SSBP2: variants seen among roughly 807,000 people sequenced by gnomAD.
SSBP2 encodes single-stranded DNA-binding protein 2.
SSBP2 carries 17 observed loss-of-function variants against 61.8 expected under a neutral mutation model. The observed-to-expected ratio is 0.28, with a 90% CI of 0.19 to 0.41. SSBP2 has a LOEUF of 0.41. Ranked by LOEUF, SSBP2 falls within the 10% of genes least tolerant of loss-of-function variation. SSBP2 has a pLI of 1.00. For missense variants in SSBP2, 310 were observed against 458.7 expected, an observed-to-expected ratio of 0.68 and a Z score of 2.96; for synonymous variants, 139 against 141.3, an observed-to-expected ratio of 0.98 and a Z score of 0.12.
Position 81,489,178 on chromosome 5 carries a change from G to A in SSBP2, c.432+72C>T, listed in dbSNP as rs1287605352. 6 of 1,275,860 alleles carry A rather than the reference G, an allele frequency of 4.7e-6. No homozygotes were observed. In the Admixed American group the frequency reaches 1.0e-4, roughly 22 times the overall value. The allele number at this position is 1,275,860 out of a possible 1,614,324, so 79.0% of individuals were successfully genotyped here. On this transcript the variant is annotated intron_variant, in intron 6 of 16. Transcript: ENST00000320672. ...AAAGGAGAATTTCATATTTTTACAG[G>A]ATGATAAATATATGTGACATTTTCA...
intron 6 of SSBP2, among the ~76,000 whole-genome samples, chr5:81,487,291 C>A (rs1415611254): frequency 1.3e-5 from 2 of 152,150 alleles, no homozygotes; most frequent in Non-Finnish European, 2.9e-5. Context: ...AACTAAACTA[C>A]AAACTCTTTG....
At chr5:81,575,253 G>T (rs56844107) in intron 4 of SSBP2, among the ~76,000 whole-genome samples, 7,626 of 152,216 alleles carry the variant, frequency 0.05, 625 homozygotes, top group African/African-American at 0.17. Context: ...GGGTGACAGA[G>T]CGAGACTTCG....
intron 4 of SSBP2, among the ~76,000 whole-genome samples, chr5:81,593,518 C>G (rs1216356465): frequency 6.6e-6 from 1 of 152,098 alleles, no homozygotes; most frequent in African/African-American, 2.4e-5. Context: ...TTGAGAAGAG[C>G]AACTCCAAGA....
intron 4 of SSBP2, among the ~76,000 whole-genome samples, chr5:81,608,781 G>A (rs1745139440): frequency 6.6e-6 from 1 of 151,956 alleles, no homozygotes; most frequent in Admixed American, 6.6e-5. Flanking sequence ...ATGGGGGTGG[G>A]GGTTTGAGTC....
intron 5 of SSBP2, among the ~76,000 whole-genome samples, chr5:81,503,283 T>C (rs1767932366): frequency 6.6e-6 from 1 of 152,026 alleles, no homozygotes; most frequent in South Asian, 2.1e-4. Context: ...TGAAACCCCA[T>C]CTCTACTAAA....
At chr5:81,627,118 T>C (rs1241830813) in intron 3 of SSBP2, among the ~76,000 whole-genome samples, 1 of 152,232 alleles carries the variant, frequency 6.6e-6, no homozygotes, top group East Asian at 1.9e-4. Context: ...TAAAAAGTTT[T>C]CTAATTAACT....
At chr5:81,484,617 T>C (rs1254016543) in intron 6 of SSBP2, among the ~76,000 whole-genome samples, 2 of 152,046 alleles carry the variant, frequency 1.3e-5, no homozygotes, top group African/African-American at 2.4e-5. Context: ...GAAAGGGGTA[T>C]TCTAAACCAG....
chr5:81,483,562 C>T (rs1317827742), intron 6 of SSBP2, among the ~76,000 whole-genome samples: 1 of 152,068 alleles, frequency 6.6e-6, no homozygotes, highest in East Asian at 1.9e-4. Flanking sequence ...GGTAAGAAAA[C>T]CAAAACCCAG....
At chr5:81,623,850 T>C (rs1746875321) in intron 3 of SSBP2, among the ~76,000 whole-genome samples, 1 of 152,206 alleles carries the variant, frequency 6.6e-6, no homozygotes, top group African/African-American at 2.4e-5. Context: ...AGGTCAAATA[T>C]TTATAAGACC....
intron 1 of SSBP2, among the ~76,000 whole-genome samples, chr5:81,680,295 T>C (rs1449682565): frequency 6.7e-6 from 1 of 148,350 alleles, no homozygotes; most frequent in South Asian, 2.1e-4. Context: ...TGTATATGTG[T>C]ATATTATATA....
At chr5:81,566,074 C>A (rs925679499) in intron 4 of SSBP2, among the ~76,000 whole-genome samples, 2 of 152,128 alleles carry the variant, frequency 1.3e-5, no homozygotes, top group African/African-American at 2.4e-5. Flanking sequence ...AGGTGTACAA[C>A]AACTGATAAT....
intron 16 of SSBP2, among the ~76,000 whole-genome samples, chr5:81,423,754 A>T (rs1761765781): frequency 6.6e-6 from 1 of 152,180 alleles, no homozygotes; most frequent in Non-Finnish European, 1.5e-5. Context: ...CAAAAAAAAA[A>T]AAATTATTCC....
intron 4 of SSBP2, among the ~76,000 whole-genome samples, chr5:81,551,993 G>GC: frequency 6.6e-6 from 1 of 152,196 alleles, no homozygotes; most frequent in Non-Finnish European, 1.5e-5. Context: ...AAAGGTATCA[G>GC]TGTATCAACT....
intron 5 of SSBP2, among the ~76,000 whole-genome samples, chr5:81,492,323 C>T (rs1561464614): frequency 6.6e-6 from 1 of 151,762 alleles, no homozygotes; most frequent in South Asian, 2.1e-4. Context: ...GGCAACATGA[C>T]GAAACCCCAT....
intron 1 of SSBP2, among the ~76,000 whole-genome samples, chr5:81,714,407 T>C (rs1363359539): frequency 6.6e-6 from 1 of 152,224 alleles, no homozygotes; most frequent in Non-Finnish European, 1.5e-5. Flanking sequence ...TTTATAATCC[T>C]TTGGGTAAAT....
chr5:81,663,249 T>C (rs1273118593), intron 1 of SSBP2, among the ~76,000 whole-genome samples: 6 of 152,228 alleles, frequency 3.9e-5, no homozygotes, highest in Non-Finnish European at 5.9e-5. Flanking sequence ...AATTACCTAT[T>C]AGCTCACAGC....
chr5:81,489,031 T>C (rs1000737778), intron 6 of SSBP2, among the ~76,000 whole-genome samples: 1 of 152,122 alleles, frequency 6.6e-6, no homozygotes, highest in Non-Finnish European at 1.5e-5. Context: ...TCACAGACAA[T>C]ACAGAAATAG....
At chr5:81,483,850 TA>T (rs1766184783) in intron 6 of SSBP2, among the ~76,000 whole-genome samples, 1 of 152,170 alleles carries the variant, frequency 6.6e-6, no homozygotes, top group African/African-American at 2.4e-5. Context: ...AAAAGCTCTT[TA>T]CCACATGCAG....
chr5:81,461,592 T>TAA (rs11370853), intron 9 of SSBP2, among the ~76,000 whole-genome samples: 13 of 151,248 alleles, frequency 8.6e-5, no homozygotes, highest in African/African-American at 1.7e-4. Context: ...AGTTGCCTTT[T>TAA]AAAAAAAAAC....
Sources: gnomAD v4.1 joint callset for allele counts (sites outside exome capture counted in the v4.1 genomes callset) on GRCh38, gnomAD v4.1.1 for gene constraint, MANE v1.5 for transcripts, NCBI Gene and HGNC (gene_info 2026-07-23, HGNC 2026-07-21) for gene names.